Variants in POLE2 observed in about 807,000 individuals in gnomAD.
POLE2 encodes DNA polymerase epsilon subunit 2.
In POLE2, 56 loss-of-function variants were observed where a neutral mutation model predicts 79.4. The observed-to-expected ratio is 0.71, with a 90% CI of 0.57 to 0.88. The LOEUF (loss-of-function observed/expected upper bound fraction) is 0.88, where lower values mean the gene tolerates loss of function less well. Ranked by LOEUF, POLE2 falls within the 40% of genes least tolerant of loss-of-function variation. POLE2 has a pLI of 0.00. For synonymous variants in POLE2, 212 were observed against 214.0 expected (o/e 0.99, Z 0.08); for missense variants, 598 against 638.9 (o/e 0.94, Z 0.69).
intron 18 of POLE2, among the ~76,000 whole-genome samples, chr14:49,645,035 C>A (rs1325308817): frequency 3.0e-5 from 3 of 100,654 alleles, no homozygotes; most frequent in African/African-American, 1.0e-4. Context: ...GAGCAAAACT[C>A]CGTCTCACAA....
Position 49,643,594 on chromosome 14 carries a change from T to C in POLE2, c.*58A>G. The C allele has an allele frequency of 2.3e-6, 2 of 879,258 alleles. No homozygotes were observed. The highest frequency in any genetic ancestry group is 3.7e-6 in the Non-Finnish European group (2 of 547,848). 54.5% of individuals were successfully genotyped at this position (879,258 alleles called of 1,614,324 possible). ...ATTTTATTGTAATATCAGAATCACA[T>C]AAGATATAGAGTTAAGCAGAAAACT... is the stretch of plus-strand genomic sequence containing the variant. On this transcript the variant is annotated 3_prime_UTR_variant, in exon 19 of 19. Coordinates refer to ENST00000216367, the MANE Select transcript of POLE2 (RefSeq NM_002692.4).
chr14:49,678,461 G>A (rs1424482054), intron 3 of POLE2, among the ~76,000 whole-genome samples: 1 of 152,108 alleles, frequency 6.6e-6, no homozygotes, highest in Non-Finnish European at 1.5e-5. Flanking sequence ...CCAAATCTGG[G>A]AGCAAGAGAA....
At chr14:49,685,753 GGGT>G (rs1264204555) in intron 1 of POLE2, among the ~76,000 whole-genome samples, 6 of 151,866 alleles carry the variant, frequency 4.0e-5, no homozygotes, top group African/African-American at 1.5e-4. Flanking sequence ...TGAGTAGCTG[GGGT>G]TACAGGTGCA....
intron 2 of POLE2, 113 bp from the exon 3 acceptor site, chr14:49,679,913 T>C (rs905144587): frequency 1.3e-5 from 8 of 625,268 alleles, no homozygotes; most frequent in African/African-American, 1.1e-4. Context: ...AGATTCTCAT[T>C]ATACAGTTTT....
intron 9 of POLE2, among the ~76,000 whole-genome samples, chr14:49,664,365 A>AG (rs1885323616): frequency 6.6e-6 from 1 of 151,952 alleles, no homozygotes; most frequent in African/African-American, 2.4e-5. Context: ...AAAAAGAAAA[A>AG]AAAAAAAAAG....
intron 3 of POLE2, among the ~76,000 whole-genome samples, chr14:49,679,274 T>C (rs892408914): frequency 2.0e-5 from 3 of 152,188 alleles, no homozygotes; most frequent in African/African-American, 7.2e-5. Context: ...ATATAAATTC[T>C]TAAACCTAAA....
chr14:49,653,929 C>A (rs1466044844), intron 15 of POLE2, 61 bp downstream of exon 15: 3 of 998,042 alleles, frequency 3.0e-6, no homozygotes, highest in African/African-American at 3.2e-5. Flanking sequence ...ACATGAGCCA[C>A]CACACCTGGC....
intron 18 of POLE2, among the ~76,000 whole-genome samples, chr14:49,646,302 GTTTTTTTTTTTTTTTT>G (rs1162033821): frequency 0.32 from 27,246 of 84,950 alleles, 3,988 homozygotes; most frequent in Non-Finnish European, 0.4. Context: ...TTTTTTGTTG[GTTTTTTTTTTTTTTTT>G]TTTTTTTTTT....
intron 10 of POLE2, among the ~76,000 whole-genome samples, chr14:49,657,400 A>G (rs1460921388): frequency 6.6e-6 from 1 of 151,998 alleles, no homozygotes; most frequent in Non-Finnish European, 1.5e-5. Context: ...CTCCAGATAT[A>G]CACATACATA....
intron 3 of POLE2, among the ~76,000 whole-genome samples, chr14:49,676,781 A>G (rs1246565004): frequency 6.6e-6 from 1 of 152,250 alleles, no homozygotes; most frequent in Non-Finnish European, 1.5e-5. Context: ...GGTTGGAGGA[A>G]GCATCCTGGT....
At chr14:49,680,227 G>A (rs1886601966) in intron 2 of POLE2, among the ~76,000 whole-genome samples, 1 of 152,072 alleles carries the variant, frequency 6.6e-6, no homozygotes, top group Non-Finnish European at 1.5e-5. Flanking sequence ...GCACATGCCT[G>A]TAGTCCCAGA....
chr14:49,666,405 T>A lies in POLE2; in HGVS notation c.501A>T (p.Thr167=). 7.1e-7 allele frequency: 1 copy of A among 1,416,034 alleles called. No individual in the cohort carries two copies. The highest frequency in any genetic ancestry group is 9.6e-7 in the Non-Finnish European group (1 of 1,046,784). 87.7% of individuals were successfully genotyped at this position (1,416,034 alleles called of 1,614,324 possible). Residue 167 remains threonine (T), a synonymous_variant, in exon 7 of 19, where the codon ACA becomes ACT. Coordinates refer to ENST00000216367, the MANE Select transcript of POLE2 (RefSeq NM_002692.4). ...DESGSKFQLK[T]IETLLGSTTK... is the part of the protein sequence containing the mutation. ...TTGTACTACCCAATAAGGTTTCTAT[T>A]GTTTTAAGCTAAAATAAAACAAAAT...
chr14:49,658,433 C>T (rs1295791150), intron 10 of POLE2, among the ~76,000 whole-genome samples: 1 of 152,172 alleles, frequency 6.6e-6, no homozygotes, highest in Non-Finnish European at 1.5e-5. Context: ...TGTTCGACTT[C>T]AGCTGGGAAC....
intron 5 of POLE2, among the ~76,000 whole-genome samples, chr14:49,670,944 C>T (rs1330171017): frequency 6.6e-6 from 1 of 152,144 alleles, no homozygotes; most frequent in Non-Finnish European, 1.5e-5. Context: ...AAAGCCCTGA[C>T]AATACAAACT....
chr14:49,670,931 C>G (rs753703734), intron 5 of POLE2, among the ~76,000 whole-genome samples: 3 of 152,134 alleles, frequency 2.0e-5, no homozygotes, highest in Non-Finnish European at 4.4e-5. Flanking sequence ...ACCTCCAGCT[C>G]AAAAAGCCCT....
chr14:49,677,699 CG>C, intron 3 of POLE2: 1 of 1,351,238 alleles, frequency 7.4e-7, no homozygotes, highest in East Asian at 2.7e-5. Context: ...GTTCAAGAAA[CG>C]TGACAGTGTG....
intron 1 of POLE2, among the ~76,000 whole-genome samples, chr14:49,685,897 G>T (rs1887100865): frequency 6.6e-6 from 1 of 152,198 alleles, no homozygotes; most frequent in East Asian, 1.9e-4. Flanking sequence ...AAAGTGCTGG[G>T]ATTACAGGCG....
At chr14:49,643,990 C>T (rs886997255) in intron 18 of POLE2, among the ~76,000 whole-genome samples, 28 of 148,758 alleles carry the variant, frequency 1.9e-4, no homozygotes, top group African/African-American at 6.4e-4. Context: ...AGTGATTCTC[C>T]TGCCTCAGCC....
chr14:49,666,136 T>C (rs1251376901), intron 7 of POLE2, among the ~76,000 whole-genome samples, 194 bp downstream of exon 7: 1 of 152,188 alleles, frequency 6.6e-6, no homozygotes, highest in Non-Finnish European at 1.5e-5. Flanking sequence ...CAACAGCCAT[T>C]ATTTATCCTT....
Sources: allele counts gnomAD v4.1 joint callset (sites outside exome capture counted in the v4.1 genomes callset), GRCh38; gene constraint gnomAD v4.1.1; transcripts MANE v1.5; gene names NCBI Gene and HGNC (gene_info 2026-07-23, HGNC 2026-07-21).